Variants in CNTN4 observed in about 807,000 individuals in gnomAD.
CNTN4 encodes contactin-4.
A neutral mutation model predicts 122.5 loss-of-function variants in CNTN4; 77 were observed. The ratio of observed to expected loss-of-function variants is 0.63; its 90% CI spans 0.52 to 0.76. CNTN4 has a LOEUF of 0.76. CNTN4 is among the 30% of genes least tolerant of loss of function. CNTN4 has a pLI of 0.00. For synonymous variants in CNTN4, 512 were observed against 447.0 expected, an observed-to-expected ratio of 1.15 and a Z score of -1.83; for missense variants, 1,256 against 1,259.1, an observed-to-expected ratio of 1.00 and a Z score of 0.04.
chr3:2,356,348 T>G (rs571823250), intron 3 of CNTN4, among the ~76,000 whole-genome samples: 1 of 152,336 alleles, frequency 6.6e-6, no homozygotes, highest in South Asian at 2.1e-4. Flanking sequence ...GGGTGGATTA[T>G]TCATGAGTTT....
chr3:2,706,128 C>T (rs185269909), intron 4 of CNTN4, among the ~76,000 whole-genome samples: 44 of 150,468 alleles, frequency 2.9e-4, no homozygotes, highest in African/African-American at 1.0e-3. Context: ...ATTAATCTAG[C>T]AGAATAGCCA....
chr3:2,737,747 A>G (rs1262629827), intron 5 of CNTN4, among the ~76,000 whole-genome samples: 1 of 152,230 alleles, frequency 6.6e-6, no homozygotes, highest in Non-Finnish European at 1.5e-5. Context: ...CAAAGCCTAG[A>G]CAACCCACAG....
At chr3:2,284,318 AT>A (rs2041829845) in intron 2 of CNTN4, among the ~76,000 whole-genome samples, 2 of 152,270 alleles carry the variant, frequency 1.3e-5, no homozygotes, top group South Asian at 4.1e-4. Context: ...CAATTAAATT[AT>A]TTGAAAATGT....
intron 4 of CNTN4, among the ~76,000 whole-genome samples, chr3:2,733,551 T>TTG (rs1553623997): frequency 1.1e-4 from 16 of 149,666 alleles, no homozygotes; most frequent in African/African-American, 4.0e-4. Context: ...TTTTTTTTTT[T>TTG]GAGACAGAGT....
Position 2,593,722 on chromosome 3 carries a change from C to A in CNTN4, c.55+22164C>A, listed in dbSNP as rs551563473. ...GTATATGTTGATGGATTTGTGTTAG[C>A]TGCTTTTGGATTCAATGATTAAAGC... On this transcript the variant is annotated intron_variant, in intron 4 of 24. Transcript: ENST00000418658. Among the ~76,000 whole-genome samples, 3 of 144,914 alleles carry A rather than the reference C, an allele frequency of 2.1e-5. No homozygotes were observed. The East Asian group carries it at 5.8e-4, about 28-fold the overall frequency.
At chr3:2,372,407 TCTTC>T (rs2045666653) in intron 3 of CNTN4, among the ~76,000 whole-genome samples, 1 of 152,232 alleles carries the variant, frequency 6.6e-6, no homozygotes, top group South Asian at 2.1e-4. Flanking sequence ...ATTTGTGTAT[TCTTC>T]CTTGTTTACC....
At chr3:2,382,681 A>G (rs2046072099) in intron 3 of CNTN4, among the ~76,000 whole-genome samples, 1 of 152,232 alleles carries the variant, frequency 6.6e-6, no homozygotes, top group Non-Finnish European at 1.5e-5. Context: ...CAGATTAGAC[A>G]ATATACCCTG....
chr3:2,627,759 C>T (rs896102766), intron 4 of CNTN4, among the ~76,000 whole-genome samples: 30 of 152,236 alleles, frequency 2.0e-4, no homozygotes, highest in Admixed American at 1.1e-3. Flanking sequence ...TCCCAAAGTG[C>T]TGGGATTACA....
At chr3:3,033,752 G>T (rs1202977125) in intron 16 of CNTN4, among the ~76,000 whole-genome samples, 1 of 152,142 alleles carries the variant, frequency 6.6e-6, no homozygotes, top group Non-Finnish European at 1.5e-5. Flanking sequence ...GATAGCTGCG[G>T]GTCTTTGCTC....
chr3:2,185,893 C>G (rs115733598), intron 2 of CNTN4, among the ~76,000 whole-genome samples: 2,596 of 151,754 alleles, frequency 0.017, 24 homozygotes, highest in Middle Eastern at 0.054. Flanking sequence ...ATCCTTGGAA[C>G]CATTGGTCTT....
intron 4 of CNTN4, among the ~76,000 whole-genome samples, chr3:2,604,245 A>AT (rs1397679655): frequency 2.6e-5 from 4 of 152,074 alleles, no homozygotes; most frequent in African/African-American, 7.2e-5. Context: ...CTAATCTGTT[A>AT]TTTTTTTTAA....
intron 12 of CNTN4, among the ~76,000 whole-genome samples, chr3:2,922,272 T>G (rs2094436510): frequency 6.6e-6 from 1 of 152,206 alleles, no homozygotes; most frequent in African/African-American, 2.4e-5. Flanking sequence ...CCAATAACTT[T>G]TAAAACCTCA....
At chr3:2,405,277 A>G (rs1478579387) in intron 3 of CNTN4, among the ~76,000 whole-genome samples, 1 of 152,140 alleles carries the variant, frequency 6.6e-6, no homozygotes, top group African/African-American at 2.4e-5. Context: ...CTTGAAATTA[A>G]TGACAACCCA....
At chr3:2,708,817 A>G (rs1021608516) in intron 4 of CNTN4, among the ~76,000 whole-genome samples, 2 of 152,238 alleles carry the variant, frequency 1.3e-5, no homozygotes, top group South Asian at 2.1e-4. Flanking sequence ...AAACATTATT[A>G]TTCTATAATA....
At chr3:2,988,721 A>G (rs1337145411) in intron 14 of CNTN4, 1 of 493,776 alleles carries the variant, frequency 2.0e-6, no homozygotes, top group Non-Finnish European at 3.7e-6. Flanking sequence ...TGTATCTCTT[A>G]TAGTATTGTA....
chr3:2,736,119 A>G (rs1159503005), intron 4 of CNTN4, 96 bp from the exon 5 acceptor site: 11 of 1,282,268 alleles, frequency 8.6e-6, no homozygotes, highest in Non-Finnish European at 1.2e-5. Context: ...TTTTTTGTTA[A>G]TTTCTTTCTA....
intron 10 of CNTN4, among the ~76,000 whole-genome samples, chr3:2,898,863 A>G (rs1433963252): frequency 1.3e-5 from 2 of 152,196 alleles, no homozygotes; most frequent in Non-Finnish European, 2.9e-5. Flanking sequence ...GAAATCAGGC[A>G]TGCAACTGCA....
intron 3 of CNTN4, among the ~76,000 whole-genome samples, chr3:2,539,415 T>C (rs1218682854): frequency 1.3e-5 from 2 of 152,130 alleles, no homozygotes; most frequent in African/African-American, 4.8e-5. Context: ...CTAATTTCTT[T>C]TGAGACGTGT....
Position 2,542,489 on chromosome 3 carries a change from A to G in CNTN4, c.-88-28927A>G, listed in dbSNP as rs144923044. On this transcript the variant is annotated intron_variant, in intron 3 of 24. Coordinates refer to ENST00000418658, the MANE Select transcript of CNTN4 (RefSeq NM_175607.3). Reference sequence around the variant, plus strand: ...AGAATATACACAAGAAATAATCTCCAAGACACAGGATTTAAGCTTCTGCAT... The same window carrying G: ...AGAATATACACAAGAAATAATCTCCGAGACACAGGATTTAAGCTTCTGCAT... Among the ~76,000 whole-genome samples, 454 of 152,232 alleles carry G rather than the reference A, an allele frequency of 3.0e-3. 3 individuals are homozygous for G. Among genetic ancestry groups the G allele is most frequent in the African/African-American group, 0.01 (424 of 41,564 alleles).
Sources: gnomAD v4.1 joint callset for allele counts (sites outside exome capture counted in the v4.1 genomes callset) on GRCh38, gnomAD v4.1.1 for gene constraint, MANE v1.5 for transcripts, NCBI Gene and HGNC (gene_info 2026-07-23, HGNC 2026-07-21) for gene names.